FAR1: variants seen among roughly 807,000 people sequenced by gnomAD.
FAR1 encodes fatty acyl-CoA reductase 1.
FAR1 carries 22 observed loss-of-function variants against 61.1 expected under a neutral mutation model. That is an observed-to-expected ratio of 0.36 (90% CI 0.26 to 0.51). The LOEUF is 0.51. Among genes scored for constraint, FAR1 ranks in the 20% least tolerant of loss-of-function variants. The pLI, the probability that FAR1 is intolerant of heterozygous loss-of-function variation, is 0.95. For missense variants in FAR1, 359 were observed against 626.9 expected (o/e 0.57, Z 4.56); for synonymous variants, 206 against 209.7 (o/e 0.98, Z 0.15).
At chr11:13,714,085 A>G (rs889215166) in intron 8 of FAR1, among the ~76,000 whole-genome samples, 16 of 152,222 alleles carry the variant, frequency 1.1e-4, no homozygotes, top group African/African-American at 3.9e-4. Context: ...TAAGCCTGTT[A>G]ATGTATGTTA....
In FAR1 at chr11:13,677,117, A is replaced by G. The variant is rs139252875; in HGVS notation, c.-8+8311A>G. ...GATCTCAGTATTTGGAGAAGGAAGT[A>G]TATTAACTTTAGCATGGTAACTAGA... On this transcript the variant is annotated intron_variant, in intron 1 of 11. Transcript: ENST00000354817. Among the ~76,000 whole-genome samples, 98 of 152,312 alleles carry G rather than the reference A, an allele frequency of 6.4e-4. No individual in the cohort carries two copies. The East Asian group carries it at 0.017, about 26-fold the overall frequency.
chr11:13,708,755 AC>A (rs1203913304), intron 4 of FAR1, among the ~76,000 whole-genome samples: 2 of 151,252 alleles, frequency 1.3e-5, no homozygotes, highest in Non-Finnish European at 1.5e-5. Context: ...TCCCCTCACC[AC>A]CCCCCAGCCA....
chr11:13,684,613 G>A (rs1313779110), intron 1 of FAR1, among the ~76,000 whole-genome samples: 2 of 152,170 alleles, frequency 1.3e-5, no homozygotes, highest in East Asian at 1.9e-4. Context: ...GCTAGACTTG[G>A]AGTCCCAGGG....
At chr11:13,701,362 G>A (rs965959413) in intron 3 of FAR1, among the ~76,000 whole-genome samples, 4 of 152,070 alleles carry the variant, frequency 2.6e-5, no homozygotes, top group Admixed American at 6.5e-5. Context: ...TACATTGTAC[G>A]CATCAAAACA....
chr11:13,705,332 G>T (rs538024053), intron 3 of FAR1, among the ~76,000 whole-genome samples: 4 of 152,162 alleles, frequency 2.6e-5, no homozygotes, highest in African/African-American at 9.6e-5. Context: ...AGGTTAACTA[G>T]CCTGGCAGAG....
At position 13,730,464 on chromosome 11, in the gene FAR1, A is replaced by G. The variant is rs1157460446; in HGVS notation, c.*1690A>G. ...ATACTAAAGTCTCTGGTCTAGGACC[A>G]TACCTTATATAAAGGTATAAGAGAC... On this transcript the variant is annotated 3_prime_UTR_variant, in exon 12 of 12. Coordinates refer to ENST00000354817, the MANE Select transcript of FAR1 (RefSeq NM_032228.6). 1.3e-5 allele frequency: 2 copies of G among 152,298 alleles called. No individual in the cohort carries two copies. Among genetic ancestry groups the G allele is most frequent in the Non-Finnish European group, 1.5e-5 (1 of 67,942 alleles). 9.4% of individuals were successfully genotyped at this position (152,298 alleles called of 1,614,324 possible). A position where few individuals can be genotyped will look rare whatever the true frequency, so the allele number is the denominator to read the frequency against.
intron 1 of FAR1, among the ~76,000 whole-genome samples, chr11:13,681,897 A>T (rs1174844969): frequency 6.6e-6 from 1 of 151,904 alleles, no homozygotes; most frequent in African/African-American, 2.4e-5. Context: ...GTGCTTTTTT[A>T]TTATTATTAT....
chr11:13,702,729 A>C (rs1309539324), intron 3 of FAR1, among the ~76,000 whole-genome samples: 1 of 152,194 alleles, frequency 6.6e-6, no homozygotes. Context: ...ATATTGGCTA[A>C]TGGTAGTATA....
At chr11:13,670,525 C>G (rs1010145640) in intron 1 of FAR1, among the ~76,000 whole-genome samples, 1 of 152,108 alleles carries the variant, frequency 6.6e-6, no homozygotes, top group Admixed American at 6.5e-5. Context: ...CCCCTGACTT[C>G]AAGAGATCCA....
intron 1 of FAR1, among the ~76,000 whole-genome samples, chr11:13,674,013 G>T (rs951661642): frequency 2.0e-5 from 3 of 152,088 alleles, no homozygotes; most frequent in African/African-American, 7.2e-5. Flanking sequence ...GCATTATGAT[G>T]TAGAAAATTC....
chr11:13,710,948 T>C, intron 5 of FAR1, 78 bp downstream of exon 5: 1 of 1,270,806 alleles, frequency 7.9e-7, no homozygotes, highest in Non-Finnish European at 1.1e-6. Context: ...GAGCTGGCAG[T>C]TCTTTAAGAA....
intron 1 of FAR1, among the ~76,000 whole-genome samples, chr11:13,691,435 C>T (rs1226210031): frequency 6.6e-6 from 1 of 152,192 alleles, no homozygotes; most frequent in Admixed American, 6.5e-5. Flanking sequence ...GCATTTAGTA[C>T]ATTCAGTGTT....
At position 13,721,544 on chromosome 11, in the gene FAR1, T is replaced by C. The variant is rs892726270; in HGVS notation, c.1128-186T>C. 2 of 497,060 alleles carry C rather than the reference T, an allele frequency of 4.0e-6. No homozygotes were observed. The highest frequency in any genetic ancestry group is 8.3e-5 in the Admixed American group (2 of 24,016). The allele number at this position is 497,060 out of a possible 1,614,324, so 30.8% of individuals were successfully genotyped here. ...AAAAAATTTGTTTTCCTTTTGGATT[T>C]ATAAATTGTTCATCCAAGATGCAGA... On this transcript the variant is annotated intron_variant, in intron 9 of 11. Transcript: ENST00000354817. The surrounding 1 kb of genome is among the most constrained non-coding windows in gnomAD (Gnocchi z 4.2).
intron 1 of FAR1, among the ~76,000 whole-genome samples, chr11:13,693,714 T>C (rs1848278903): frequency 6.6e-6 from 1 of 152,212 alleles, no homozygotes; most frequent in African/African-American, 2.4e-5. Context: ...CTTGTTTTGC[T>C]TGGGTTGCTG....
chr11:13,676,199 T>C (rs1396625405), intron 1 of FAR1, among the ~76,000 whole-genome samples: 2 of 152,142 alleles, frequency 1.3e-5, no homozygotes, highest in African/African-American at 4.8e-5. Context: ...AAATGCCTAA[T>C]TAAAAAATTA....
chr11:13,697,999 G>C (rs544784837), intron 2 of FAR1, among the ~76,000 whole-genome samples: 1 of 152,082 alleles, frequency 6.6e-6, no homozygotes, highest in South Asian at 2.1e-4. Flanking sequence ...CTGTTACCTG[G>C]ATAAACTCTT....
chr11:13,685,973 C>A (rs1427883824), intron 1 of FAR1, among the ~76,000 whole-genome samples: 1 of 152,160 alleles, frequency 6.6e-6, no homozygotes, highest in Non-Finnish European at 1.5e-5. Context: ...TCTATTTTAA[C>A]CCCTTCACTT....
At chr11:13,693,938 G>A (rs954253918) in intron 1 of FAR1, among the ~76,000 whole-genome samples, 5 of 152,056 alleles carry the variant, frequency 3.3e-5, no homozygotes. Context: ...TACAATTCAA[G>A]CTCCTTATTC....
In FAR1 at chr11:13,728,604, C is replaced by G. The variant is rs756112518; in HGVS notation, c.1386-8C>G. ...ACTGTCTAACATATCTCTTGATTTG[C>G]TTTCCAGGTTGCGGAATATACGTTA... On this transcript the variant is annotated splice_polypyrimidine_tract_variant and splice_region_variant and intron_variant, in intron 11 of 11. Transcript: ENST00000354817. The G allele has an allele frequency of 3.1e-6, 5 of 1,607,610 alleles. No individual in the cohort carries two copies. Among genetic ancestry groups the G allele is most frequent in the Non-Finnish European group, 4.3e-6 (5 of 1,175,392 alleles).
Sources: gnomAD v4.1 joint callset for allele counts (sites outside exome capture counted in the v4.1 genomes callset) on GRCh38, gnomAD v4.1.1 for gene constraint, Gnocchi (gnomAD v3.1) non-coding constraint, MANE v1.5 for transcripts, NCBI Gene and HGNC (gene_info 2026-07-23, HGNC 2026-07-21) for gene names.